HADHA: variants seen among roughly 807,000 people sequenced by gnomAD.
HADHA encodes trifunctional enzyme subunit alpha, mitochondrial.
Under a neutral mutation model 91.3 loss-of-function variants are expected in HADHA, and 59 were observed. The observed-to-expected ratio is 0.65, with a 90% confidence interval of 0.52 to 0.80. The LOEUF (loss-of-function observed/expected upper bound fraction) is 0.80, where lower values mean the gene tolerates loss of function less well. Among genes scored for constraint, HADHA ranks in the 30% least tolerant of loss-of-function variants. The pLI is 0.00. For synonymous variants in HADHA, 320 were observed against 338.9 expected (o/e 0.94, Z 0.61); for missense variants, 800 against 927.6 (o/e 0.86, Z 1.79).
chr2:26,240,873 C>T (rs1421671622), intron 1 of HADHA, among the ~76,000 whole-genome samples: 1 of 152,170 alleles, frequency 6.6e-6, no homozygotes. Flanking sequence ...ACCTATGCTG[C>T]CCACACACTC....
Position 26,204,195 on chromosome 2 carries a change from G to A in HADHA, c.1087C>T (p.His363Tyr). The A allele has an allele frequency of 6.2e-7, 1 of 1,613,842 alleles. No homozygotes were observed. Among genetic ancestry groups the A allele is most frequent in the Non-Finnish European group, 8.5e-7 (1 of 1,179,672 alleles). ...AGCCCTGCACCAAGAATAGCCAGAT[G>A]CCTGCAAGGCAAGGATGAAATGACT... ...KFGAPQKDVKHLAILGAGLMG... is the reference protein window; with the variant it reads ...KFGAPQKDVKYLAILGAGLMG... The change falls in exon 12 of 20, where the codon CAT becomes TAT. Residue 363 changes from histidine to tyrosine, a missense_variant and splice_region_variant. By Grantham distance (83) the His-to-Tyr change is moderately conservative (BLOSUM62 2). Transcript: ENST00000380649.
At chr2:26,236,354 T>TGC (rs1670752225) in intron 4 of HADHA, among the ~76,000 whole-genome samples, 1 of 104,288 alleles carries the variant, frequency 9.6e-6, no homozygotes, top group African/African-American at 3.2e-5. Flanking sequence ...TGTGTGTGTG[T>TGC]GTGTGTATAT....
At chr2:26,201,097 T>C (rs1669820506) in intron 13 of HADHA, 52 bp downstream of exon 13, 2 of 1,360,396 alleles carry the variant, frequency 1.5e-6, no homozygotes, top group Non-Finnish European at 2.1e-6. Context: ...AAAAAATCTC[T>C]GTGTTTTCTG....
chr2:26,201,079 CT>C, intron 13 of HADHA, 69 bp downstream of exon 13: 4 of 1,225,340 alleles, frequency 3.3e-6, no homozygotes, highest in South Asian at 1.2e-5. Context: ...CCTATAGCTC[CT>C]TTAAAAAAAA....
intron 11 of HADHA, among the ~76,000 whole-genome samples, chr2:26,206,759 T>C (rs10181995): frequency 0.021 from 3,209 of 152,178 alleles, 113 homozygotes; most frequent in African/African-American, 0.072. Context: ...TAATGAAAAA[T>C]TGTAACAGCC....
intron 1 of HADHA, among the ~76,000 whole-genome samples, chr2:26,241,725 T>C (rs1670896936): frequency 6.6e-6 from 1 of 152,036 alleles, no homozygotes; most frequent in Admixed American, 6.6e-5. Context: ...TCATCTCCTG[T>C]GAAATTATTT....
At chr2:26,242,760 T>TTTTG (rs1048887087) in intron 1 of HADHA, among the ~76,000 whole-genome samples, 4 of 152,180 alleles carry the variant, frequency 2.6e-5, no homozygotes, top group South Asian at 2.1e-4. Context: ...ACAATGTTTT[T>TTTTG]TTTGTTTGTT....
intron 1 of HADHA, among the ~76,000 whole-genome samples, chr2:26,241,699 G>A (rs368127196): frequency 4.0e-5 from 6 of 151,890 alleles, no homozygotes; most frequent in African/African-American, 1.2e-4. Flanking sequence ...ATCTATTAAG[G>A]TATTTGCCTC....
At chr2:26,194,515 T>C (rs1669605624) in intron 16 of HADHA, 55 bp downstream of exon 16, 3 of 1,047,824 alleles carry the variant, frequency 2.9e-6, no homozygotes, top group Non-Finnish European at 4.5e-6. Flanking sequence ...TCATGAGTTT[T>C]AGAGTGACTG....
In HADHA at chr2:26,201,172, T is replaced by C; in HGVS notation, c.1369A>G (p.Arg457Gly). The C allele has an allele frequency of 6.2e-7, 1 of 1,613,322 alleles. No homozygotes were observed. Among genetic ancestry groups the C allele is most frequent in the South Asian group, 1.1e-5 (1 of 91,062 alleles). Reference sequence around the variant, plus strand: ...ACCGCTTCTACTTCCTTTAGCACTCTGTGCTTAAGACTAAGGTCCTCAAAC... The same window carrying C: ...ACCGCTTCTACTTCCTTTAGCACTCCGTGCTTAAGACTAAGGTCCTCAAAC... ...AVFEDLSLKH[R>G]VLKEVEAVIP... Residue 457 changes from arginine to glycine, a missense_variant, in exon 13 of 20, where the codon AGA becomes GGA. Physicochemically the swap from Arg to Gly is moderately radical, Grantham distance 125. Transcript: ENST00000380649.
chr2:26,223,454 G>A (rs1670420534), intron 7 of HADHA, among the ~76,000 whole-genome samples: 4 of 152,212 alleles, frequency 2.6e-5, no homozygotes, highest in Admixed American at 2.6e-4. Flanking sequence ...ACCAGGCAAA[G>A]AACTAGGACA....
intron 11 of HADHA, among the ~76,000 whole-genome samples, chr2:26,204,845 C>T (rs1669935123): frequency 6.6e-6 from 1 of 152,120 alleles, no homozygotes. Flanking sequence ...ACATCAGCCT[C>T]CCAAAGAGAT....
In HADHA at chr2:26,230,275, A is replaced by G; in HGVS notation, c.593T>C (p.Leu198Ser). Residue 198 changes from leucine (L) to serine (S), a missense_variant, in exon 7 of 20, where the codon TTG becomes TCG. Transcript: ENST00000380649. ...GCTTCTACCAGTCAGCATCATGTCC[A>G]AAGCAGCAGGCACACCCACCTAACA... ...LPKMVGVPAA[L>S]DMMLTGRSIR... 1 of 1,613,236 alleles carries G rather than the reference A, an allele frequency of 6.2e-7. No homozygotes were observed. Among genetic ancestry groups the G allele is most frequent in the Non-Finnish European group, 8.5e-7 (1 of 1,179,200 alleles).
At chr2:26,232,382 C>A in intron 5 of HADHA, 103 bp from the exon 6 acceptor site, 1 of 817,792 alleles carries the variant, frequency 1.2e-6, no homozygotes, top group Non-Finnish European at 2.1e-6. Context: ...GGAATGTGCT[C>A]ACAGAATAAA....
rs2147769994 is a variant in HADHA, at chr2:26,215,165, T to C, written c.687A>G (p.Leu229=). ...CTATTGTCCGTTCCTCTGGAGGTTT[T>C]AGTCCTGGTCCTATAAAAATGAATG... The part of the protein sequence containing the change: ...DQLVEPLGPG[L]KPPEERTIEY... Residue 229 remains leucine, a synonymous_variant, in exon 8 of 20, where the codon CTA becomes CTG. Transcript: ENST00000380649. 1 of 1,613,126 alleles carries C rather than the reference T, an allele frequency of 6.2e-7. No individual in the cohort carries two copies. Among genetic ancestry groups the C allele is most frequent in the Non-Finnish European group, 8.5e-7 (1 of 1,179,130 alleles).
intron 7 of HADHA, among the ~76,000 whole-genome samples, chr2:26,223,797 A>G (rs1170573907): frequency 6.6e-6 from 1 of 152,008 alleles, no homozygotes; most frequent in African/African-American, 2.4e-5. Context: ...CCCAGGCTGG[A>G]GTGCAATGGT....
At chr2:26,239,395 G>C (rs186817104) in intron 1 of HADHA, among the ~76,000 whole-genome samples, 91 of 152,302 alleles carry the variant, frequency 6.0e-4, no homozygotes, top group African/African-American at 2.1e-3. Flanking sequence ...AATATGTTAG[G>C]TTACACGGCA....
chr2:26,214,491 C>T lies in HADHA; in HGVS notation c.870G>A (p.Val290=), dbSNP rs771022089. ...QQVYKKVEEK[V]RKQTKGLYPA... Reference sequence around the variant, plus strand: ...GATAAAGGCCTTTAGTCTGCTTTCGCACTTTTTCTTCCACTTTTTTGTAAA... The same window carrying T: ...GATAAAGGCCTTTAGTCTGCTTTCGTACTTTTTCTTCCACTTTTTTGTAAA... Residue 290 remains valine (V), a synonymous_variant, in exon 9 of 20, where the codon GTG becomes GTA. Transcript: ENST00000380649. The surrounding 1 kb of genome is among the most constrained non-coding windows in gnomAD (Gnocchi z 4.1). The T allele has an allele frequency of 1.6e-5, 25 of 1,607,146 alleles. No homozygotes were observed. The highest frequency in any genetic ancestry group is 2.0e-5 in the Non-Finnish European group (24 of 1,174,932).
At chr2:26,203,544 T>G (rs1669906501) in intron 12 of HADHA, among the ~76,000 whole-genome samples, 1 of 152,198 alleles carries the variant, frequency 6.6e-6, no homozygotes, top group Non-Finnish European at 1.5e-5. Context: ...GATCAGTTCA[T>G]GGCTTCTCTC....
Sources: gnomAD v4.1 joint callset for allele counts (sites outside exome capture counted in the v4.1 genomes callset) on GRCh38, gnomAD v4.1.1 for gene constraint, Gnocchi (gnomAD v3.1) non-coding constraint, MANE v1.5 for transcripts, NCBI Gene and HGNC (gene_info 2026-07-23, HGNC 2026-07-21) for gene names.